Variants in FHL2 observed in about 807,000 individuals in gnomAD.
FHL2 encodes the protein four and a half LIM domains protein 2.
In FHL2, 20 loss-of-function variants were observed where a neutral mutation model predicts 32.7. The observed-to-expected ratio is 0.61, with a 90% CI of 0.43 to 0.89. The LOEUF (loss-of-function observed/expected upper bound fraction) is 0.89. Among genes scored for constraint, FHL2 ranks in the 40% least tolerant of loss-of-function variants. FHL2 has a pLI of 0.00. For synonymous variants in FHL2, 123 were observed against 128.1 expected (o/e 0.96, Z 0.27); for missense variants, 311 against 358.6 (o/e 0.87, Z 1.07).
chr2:105,362,281 G>A (rs1189530284), intron 6 of FHL2, among the ~76,000 whole-genome samples: 3 of 152,156 alleles, frequency 2.0e-5, no homozygotes, highest in African/African-American at 7.2e-5. Flanking sequence ...TAGGTAAAGT[G>A]TAAATACTGT....
chr2:105,386,458 A>T lies in FHL2; in HGVS notation c.59T>A (p.Ile20Asn). ...GCAGTAGGGGCTCTCCTCCCGCAGG[A>T]TGTACTTCTTGCCAAAGAGAGATTC... ...CNESLFGKKYILREESPYCVV... is the reference protein window; with the variant it reads ...CNESLFGKKYNLREESPYCVV... The change falls in exon 3 of 7, where the codon ATC becomes AAC. Residue 20 changes from isoleucine (I) to asparagine (N), a missense_variant. Physicochemically the swap from Ile to Asn is moderately radical, Grantham distance 149. Coordinates refer to ENST00000530340, the MANE Select transcript of FHL2 (RefSeq NM_001318895.3). 1 of 1,614,232 alleles carries T rather than the reference A, an allele frequency of 6.2e-7. No homozygotes were observed. Among genetic ancestry groups the T allele is most frequent in the Non-Finnish European group, 8.5e-7 (1 of 1,180,040 alleles).
intron 4 of FHL2, among the ~76,000 whole-genome samples, chr2:105,370,872 A>T (rs1573298412): frequency 6.6e-6 from 1 of 152,154 alleles, no homozygotes; most frequent in Non-Finnish European, 1.5e-5. Context: ...CGAAGATTCA[A>T]TGGGATTCTG....
chr2:105,378,349 T>G (rs1031640633), intron 3 of FHL2: 3 of 376,004 alleles, frequency 8.0e-6, no homozygotes, highest in African/African-American at 2.1e-5. Context: ...GCGCAGCCTG[T>G]CCCCCCACAC....
At chr2:105,407,802 G>A (rs1558724178) in intron 1 of FHL2, among the ~76,000 whole-genome samples, 1 of 152,052 alleles carries the variant, frequency 6.6e-6, no homozygotes. Context: ...TCCCCCCGCT[G>A]CCACCACCAC....
chr2:105,364,814 C>CA (rs915693863), intron 5 of FHL2, among the ~76,000 whole-genome samples: 1 of 152,130 alleles, frequency 6.6e-6, no homozygotes, highest in African/African-American at 2.4e-5. Flanking sequence ...AACTGAGACT[C>CA]AGAGAAATTA....
At chr2:105,373,243 A>C (rs953103207) in intron 4 of FHL2, among the ~76,000 whole-genome samples, 2 of 152,188 alleles carry the variant, frequency 1.3e-5, no homozygotes, top group Non-Finnish European at 2.9e-5. Flanking sequence ...AAGAGAAACT[A>C]TCTATGGTGG....
At chr2:105,404,966 G>A (rs1683580724) in intron 1 of FHL2, among the ~76,000 whole-genome samples, 3 of 152,082 alleles carry the variant, frequency 2.0e-5, no homozygotes, top group South Asian at 2.1e-4. Context: ...TTGGAGCGTC[G>A]GATACAGTTT....
chr2:105,398,989 GAC>G lies in FHL2; in HGVS notation c.-225_-224del. 1 of 1,506,922 alleles carries G rather than the reference GAC, an allele frequency of 6.6e-7. No individual in the cohort carries two copies. Among genetic ancestry groups the G allele is most frequent in the South Asian group, 1.3e-5 (1 of 77,142 alleles). 93.3% of individuals were successfully genotyped at this position (1,506,922 alleles called of 1,614,324 possible). A position where few individuals can be genotyped will look rare whatever the true frequency, so the allele number is the denominator to read the frequency against. On this transcript the variant is annotated 5_prime_UTR_variant, in exon 1 of 7. Coordinates refer to ENST00000530340, the MANE Select transcript of FHL2 (RefSeq NM_001318895.3). ...ACTCACGGCACCGCAGCGGGCCGGG[GAC>G]TCCCGGACGGGGCTGGAGGGCGCGG...
intron 3 of FHL2, among the ~76,000 whole-genome samples, chr2:105,375,077 A>G (rs1337715551): frequency 1.3e-5 from 2 of 152,148 alleles, no homozygotes; most frequent in African/African-American, 4.8e-5. Context: ...GAAAGTCCTA[A>G]AACACCAGCT....
chr2:105,411,139 C>T (rs1683776178), intron 1 of FHL2, among the ~76,000 whole-genome samples: 1 of 152,178 alleles, frequency 6.6e-6, no homozygotes, highest in African/African-American at 2.4e-5. Context: ...GCATAACCAC[C>T]ATCGCTCTAA....
At chr2:105,438,312 A>G in intron 1 of FHL2, 1 of 953,136 alleles carries the variant, frequency 1.0e-6, no homozygotes, top group Non-Finnish European at 1.2e-6. Flanking sequence ...TCTGCATGCA[A>G]CAAGATGCCT....
chr2:105,361,529 T>C (rs1680261214), intron 6 of FHL2, 95 bp from the exon 7 acceptor site: 1 of 1,164,052 alleles, frequency 8.6e-7, no homozygotes, highest in Non-Finnish European at 1.2e-6. Flanking sequence ...TTTCAAAGTT[T>C]GGATTGTGTA....
chr2:105,433,690 G>A (rs1684508828), intron 1 of FHL2, among the ~76,000 whole-genome samples: 1 of 152,102 alleles, frequency 6.6e-6, no homozygotes. Context: ...TGTACATCCT[G>A]AGTGTGTGTG....
At chr2:105,425,929 G>A in intron 1 of FHL2, among the ~76,000 whole-genome samples, 1 of 152,280 alleles carries the variant, frequency 6.6e-6, no homozygotes, top group Non-Finnish European at 1.5e-5. Flanking sequence ...TTGGTGTGCT[G>A]AGCGCCGGTC....
chr2:105,360,358 C>T (rs1680171967), downstream of FHL2: 1 of 148,958 alleles, frequency 6.7e-6, no homozygotes, highest in Admixed American at 6.7e-5. Context: ...CTGGTGCTGA[C>T]TGAAGGCTTT....
chr2:105,410,563 A>T lies in FHL2; in HGVS notation c.-24-24023T>A, dbSNP rs868545681. Among the ~76,000 whole-genome samples, 12 of 152,290 alleles carry T rather than the reference A, an allele frequency of 7.9e-5. No homozygotes were observed. In the South Asian group the frequency reaches 2.1e-3, roughly 26 times the overall value. On this transcript the variant is annotated intron_variant, in intron 1 of 5. Transcript: ENST00000393352. ...GATTTAGCAGGGTGATGCCTTTTGA[A>T]GTCTAAAGTTTTGACTGCTAATCTC...
intron 3 of FHL2, chr2:105,374,068 G>A (rs1320687144): frequency 2.1e-5 from 7 of 334,282 alleles, no homozygotes; most frequent in Admixed American, 1.3e-4. Flanking sequence ...CTATCAATTC[G>A]TCTCACACCA....
intron 3 of FHL2, among the ~76,000 whole-genome samples, chr2:105,384,833 G>A (rs1682180817): frequency 6.6e-6 from 1 of 152,212 alleles, no homozygotes; most frequent in African/African-American, 2.4e-5. Flanking sequence ...TTATAGATGT[G>A]GAGATGTGCA....
rs1684390107 is a variant in FHL2, at chr2:105,430,283, CTCTG to C, written c.-25+8112_-25+8115del. Among the ~76,000 whole-genome samples, 3 of 152,310 alleles carry C rather than the reference CTCTG, an allele frequency of 2.0e-5. No individual in the cohort carries two copies. The South Asian group carries it at 6.2e-4, about 32-fold the overall frequency. The stretch of plus-strand genomic sequence containing the variant: ...ACTGGAAAGGCCTCTGAAGCAAAGT[CTCTG>C]TCTGATCTTCTCCTGTCCTCCTCTT... On this transcript the variant is annotated intron_variant, in intron 1 of 5. Coordinates refer to the FHL2 transcript ENST00000393352.
Sources: allele counts gnomAD v4.1 joint callset (sites outside exome capture counted in the v4.1 genomes callset), GRCh38; gene constraint gnomAD v4.1.1; transcripts MANE v1.5; gene names NCBI Gene and HGNC (gene_info 2026-07-23, HGNC 2026-07-21).